SF3A1: variants seen among roughly 807,000 people sequenced by gnomAD.
SF3A1 encodes splicing factor 3a subunit 1.
A neutral mutation model predicts 89.9 loss-of-function variants in SF3A1; 13 were observed. The observed-to-expected ratio is 0.14, with a 90% CI of 0.09 to 0.23. The LOEUF (loss-of-function observed/expected upper bound fraction) is 0.23. Among genes scored for constraint, SF3A1 ranks in the 10% least tolerant of loss-of-function variants. The pLI is 1.00. For missense variants in SF3A1, 604 were observed against 1,022.1 expected (o/e 0.59, Z 5.58); for synonymous variants, 405 against 374.4 (o/e 1.08, Z -0.94).
Position 30,356,754 on chromosome 22 carries a change from C to T in SF3A1, c.39G>A (p.Pro13=). 3 of 1,485,916 alleles carry T rather than the reference C, an allele frequency of 2.0e-6. No individual in the cohort carries two copies. Among genetic ancestry groups the T allele is most frequent in the Non-Finnish European group, 1.8e-6 (2 of 1,113,756 alleles). 92.0% of individuals were successfully genotyped at this position (1,485,916 alleles called of 1,614,324 possible). A position where few individuals can be genotyped will look rare whatever the true frequency, so the allele number is the denominator to read the frequency against. Residue 13 remains proline, a synonymous_variant, in exon 1 of 16, where the codon CCG becomes CCA. Coordinates refer to ENST00000215793, the MANE Select transcript of SF3A1 (RefSeq NM_005877.6). The part of the protein sequence containing the change: ...AGPVQAVPPP[P]PVPTEPKQPT... The stretch of plus-strand genomic sequence containing the variant: ...CCTGTTTGGGCTCCGTGGGCACGGG[C>T]GGCGGCGGGGGCACCGCCTGCACGG...
At chr22:30,355,251 T>A (rs1354204683) in intron 1 of SF3A1, among the ~76,000 whole-genome samples, 1 of 152,170 alleles carries the variant, frequency 6.6e-6, no homozygotes, top group East Asian at 1.9e-4. Context: ...CCTCAAGTGA[T>A]CTGTCTGCCT....
rs1261250045 is a variant in SF3A1 at position 30,344,918 on chromosome 22, A to G, written c.651+15T>C. 6.2e-7 allele frequency: 1 copy of G among 1,611,096 alleles called. No individual in the cohort carries two copies. Among genetic ancestry groups the G allele is most frequent in the African/African-American group, 1.3e-5 (1 of 75,010 alleles). On this transcript the variant is annotated intron_variant, in intron 4 of 15. Transcript: ENST00000215793. Reference sequence around the variant, plus strand: ...TTCCTGGGCCCAGGACCCCAGCCCCATCCTGCCCAGGCACCTTGGTGTACT... The same window carrying G: ...TTCCTGGGCCCAGGACCCCAGCCCCGTCCTGCCCAGGCACCTTGGTGTACT...
chr22:30,332,532 T>C lies in SF3A1; in HGVS notation c.*2062A>G, dbSNP rs913211670. On this transcript the variant is annotated 3_prime_UTR_variant, in exon 16 of 16. Coordinates refer to ENST00000215793, the MANE Select transcript of SF3A1 (RefSeq NM_005877.6). Reference sequence around the variant, plus strand: ...TGGGTATTCCACCTCGTTTTAAAAATGGGGCAGATAATCCTCAGGAGATTG... The same window carrying C: ...TGGGTATTCCACCTCGTTTTAAAAACGGGGCAGATAATCCTCAGGAGATTG... 2.0e-5 allele frequency: 3 copies of C among 152,228 alleles called. No homozygotes were observed. Among genetic ancestry groups the C allele is most frequent in the African/African-American group, 4.8e-5 (2 of 41,466 alleles). The allele number at this position is 152,228 out of a possible 1,614,324, so 9.4% of individuals were successfully genotyped here. A position where few individuals can be genotyped will look rare whatever the true frequency, so the allele number is the denominator to read the frequency against.
At chr22:30,339,892 A>G (rs764460682) in intron 9 of SF3A1, among the ~76,000 whole-genome samples, 25 of 152,344 alleles carry the variant, frequency 1.6e-4, no homozygotes, top group South Asian at 8.3e-4. Context: ...GCCCCATTCC[A>G]AAGAGCTCAT....
At chr22:30,356,650 G>A (rs988155707) in intron 1 of SF3A1, 80 bp downstream of exon 1, 4 of 1,131,158 alleles carry the variant, frequency 3.5e-6, no homozygotes, top group Middle Eastern at 2.2e-4. Context: ...CTTCATAGCG[G>A]CCGGCCGCTT....
chr22:30,344,967 T>C lies in SF3A1; in HGVS notation c.617A>G (p.Asn206Ser), dbSNP rs767442928. ...DFLRPQHSLFNYFTKLVEQYT... is the reference protein window; with the variant it reads ...DFLRPQHSLFSYFTKLVEQYT... ...CTGTTCCACTAGCTTCGTGAAGTAG[T>C]TGAAGAGGCTGTGCTGTGGGCGGAG... Residue 206 changes from asparagine to serine, a missense_variant, in exon 4 of 16, where the codon AAC becomes AGC. Transcript: ENST00000215793. 7 of 1,614,100 alleles carry C rather than the reference T, an allele frequency of 4.3e-6. 1 individual carries two copies. In the African/African-American group the frequency reaches 5.3e-5, roughly 12 times the overall value.
chr22:30,335,321 G>C, intron 15 of SF3A1, 146 bp downstream of exon 15: 1 of 731,292 alleles, frequency 1.4e-6, no homozygotes, highest in Admixed American at 2.2e-5. Context: ...AACACTCCCA[G>C]CCAGCATCAT....
At chr22:30,350,343 G>A (rs1931553661) in intron 2 of SF3A1, among the ~76,000 whole-genome samples, 1 of 144,256 alleles carries the variant, frequency 6.9e-6, no homozygotes, top group African/African-American at 2.5e-5. Flanking sequence ...TTAGCTGGGT[G>A]TGGTGGCAGG....
chr22:30,351,535 G>A (rs1931594755), intron 2 of SF3A1, among the ~76,000 whole-genome samples: 1 of 152,014 alleles, frequency 6.6e-6, no homozygotes, highest in Non-Finnish European at 1.5e-5. Flanking sequence ...TTTTTTTTGA[G>A]ACAGGGTCTC....
intron 2 of SF3A1, among the ~76,000 whole-genome samples, chr22:30,347,654 T>C (rs1179519093): frequency 6.6e-6 from 1 of 152,220 alleles, no homozygotes; most frequent in East Asian, 1.9e-4. Context: ...ATACAACACC[T>C]GTGTCAGTCA....
Position 30,346,349 on chromosome 22 carries a change from T to G in SF3A1, c.356A>C (p.Gln119Pro). The G allele has an allele frequency of 6.2e-7, 1 of 1,613,996 alleles. No homozygotes were observed. The highest frequency in any genetic ancestry group is 1.1e-5 in the South Asian group (1 of 91,078). The change falls in exon 3 of 16, where the codon CAG becomes CCG. Residue 119 changes from glutamine to proline, a missense_variant. Around this residue, in one of 9 missense-constraint regions of SF3A1, gnomAD observed 162 missense variants for 229.2 expected, o/e 0.71. Transcript: ENST00000215793. Reference protein sequence around the residue: ...PSAAIPKVMQQQQQTTQQQLP... With the variant: ...PSAAIPKVMQPQQQTTQQQLP... ...CTGCTGCTGGGTGGTCTGCTGCTGC[T>G]GCTGCATGACCTTGGGGATGGCGGC... is the stretch of plus-strand genomic sequence containing the variant.
rs1930964405 is a variant in SF3A1 at position 30,333,116 on chromosome 22, A to C, written c.*1478T>G. 6.6e-6 allele frequency: 1 copy of C among 152,246 alleles called. No individual in the cohort carries two copies. Among genetic ancestry groups the C allele is most frequent in the Non-Finnish European group, 1.5e-5 (1 of 68,052 alleles). 9.4% of individuals were successfully genotyped at this position (152,246 alleles called of 1,614,324 possible). On this transcript the variant is annotated 3_prime_UTR_variant, in exon 16 of 16. Coordinates refer to ENST00000215793, the MANE Select transcript of SF3A1 (RefSeq NM_005877.6). ...AAATTTCAACTCTTGCCCCTGGGGC[A>C]AACTTCTAGCAACCAGGCCAGAGGC...
In SF3A1 at chr22:30,340,245, C is replaced by A. The variant is rs770538880; in HGVS notation, c.1326G>T (p.Arg442=). ...GLLDPRWLEQ[R]DRSIREKQSD... is the part of the protein sequence containing the mutation. Reference sequence around the variant, plus strand: ...TCTGCTTCTCACGGATGGAGCGATCCCGCTGCTCCAGCCAGCGAGGGTCAA... The same window carrying A: ...TCTGCTTCTCACGGATGGAGCGATCACGCTGCTCCAGCCAGCGAGGGTCAA... Residue 442 remains arginine (R), a synonymous_variant, in exon 9 of 16, where the codon CGG becomes CGT. Transcript: ENST00000215793. 6.2e-7 allele frequency: 1 copy of A among 1,609,336 alleles called. No homozygotes were observed. Among genetic ancestry groups the A allele is most frequent in the Non-Finnish European group, 8.5e-7 (1 of 1,178,350 alleles).
Position 30,339,255 on chromosome 22 carries a change from T to C in SF3A1, c.1376-4A>G, listed in dbSNP as rs1217174487. ...AAGCTGCTCTCAATATCCAGACCTG[T>C]ACAGTCACAAAACAGAGGCAGAGGA... On this transcript the variant is annotated splice_polypyrimidine_tract_variant and splice_region_variant and intron_variant, in intron 9 of 15. Transcript: ENST00000215793. 15 of 1,613,696 alleles carry C rather than the reference T, an allele frequency of 9.3e-6. No individual in the cohort carries two copies. Among genetic ancestry groups the C allele is most frequent in the Non-Finnish European group, 1.1e-5 (13 of 1,180,016 alleles).
rs1931302992 is a variant in SF3A1 at position 30,342,813 on chromosome 22, A to C, written c.718T>G (p.Leu240Val). Residue 240 changes from leucine (L) to valine (V), a missense_variant, in exon 5 of 16, where the codon TTG (leucine) becomes GTG (valine). This residue lies in a region of SF3A1 where 162 missense variants were observed against 229.2 expected (regional missense o/e 0.71). Coordinates refer to ENST00000215793, the MANE Select transcript of SF3A1 (RefSeq NM_005877.6). Reference sequence around the variant, plus strand: ...AATGCTATTCAGTTTACCTGATCCAAAACTTCTCGGGGGTTTTCAGCCTCT... The same window carrying C: ...AATGCTATTCAGTTTACCTGATCCACAACTTCTCGGGGGTTTTCAGCCTCT... Reference protein sequence around the residue: ...KKEAENPREVLDQVCYRVEWA... With the variant: ...KKEAENPREVVDQVCYRVEWA... 6.2e-7 allele frequency: 1 copy of C among 1,609,712 alleles called. No individual in the cohort carries two copies. The highest frequency in any genetic ancestry group is 1.3e-5 in the African/African-American group (1 of 74,682).
chr22:30,352,942 C>T lies in SF3A1; in HGVS notation c.185+9G>A. ...ACCCACCTCTGACCCACCCAAGTAG[C>T]TCTGTTACCTGGCCACAAAGCTGGC... On this transcript the variant is annotated intron_variant, in intron 2 of 15. Transcript: ENST00000215793. 1 of 1,613,934 alleles carries T rather than the reference C, an allele frequency of 6.2e-7. No homozygotes were observed. The highest frequency in any genetic ancestry group is 8.5e-7 in the Non-Finnish European group (1 of 1,179,858).
chr22:30,346,246 A>T, intron 3 of SF3A1, 66 bp downstream of exon 3: 1 of 1,069,142 alleles, frequency 9.4e-7, no homozygotes, highest in Non-Finnish European at 1.4e-6. Context: ...TTAATTGTGT[A>T]CTCCCTCCCT....
At chr22:30,337,438 C>T (rs1399692632) in intron 12 of SF3A1, among the ~76,000 whole-genome samples, 1 of 152,178 alleles carries the variant, frequency 6.6e-6, no homozygotes, top group African/African-American at 2.4e-5. Flanking sequence ...TTTCTCAGGC[C>T]TCTGAGCCTG....
intron 1 of SF3A1, among the ~76,000 whole-genome samples, chr22:30,353,728 G>A (rs193150371): frequency 2.3e-4 from 35 of 152,192 alleles, no homozygotes; most frequent in African/African-American, 7.5e-4. Flanking sequence ...CGGGGAGCTC[G>A]GCTCTTAAGA....
Sources: gnomAD v4.1 joint callset for allele counts (sites outside exome capture counted in the v4.1 genomes callset) on GRCh38, gnomAD v4.1.1 for gene constraint, gnomAD v4.1.1 regional missense constraint, MANE v1.5 for transcripts, NCBI Gene and HGNC (gene_info 2026-07-23, HGNC 2026-07-21) for gene names.